The following RORA variants were observed in gnomAD, a reference collection of about 807,000 sequenced individuals.
RORA encodes the protein RAR related orphan receptor A.
A neutral mutation model predicts 69.5 loss-of-function variants in RORA; 7 were observed. The ratio of observed to expected loss-of-function variants is 0.10; its 90% CI spans 0.06 to 0.19. The LOEUF (loss-of-function observed/expected upper bound fraction) is 0.19, where lower values mean the gene tolerates loss of function less well. Ranked by LOEUF, RORA falls within the 10% of genes least tolerant of loss-of-function variation. RORA has a pLI of 1.00. For missense variants in RORA, 457 were observed against 663.0 expected, an observed-to-expected ratio of 0.69 and a Z score of 3.41; for synonymous variants, 261 against 240.8, an observed-to-expected ratio of 1.08 and a Z score of -0.78.
chr15:61,100,642 A>G lies in RORA; in HGVS notation c.166+128411T>C, dbSNP rs1029183943. On this transcript the variant is annotated intron_variant, in intron 1 of 10. Transcript: ENST00000335670. ...AGAGAGCTGGGACCATTCATTTGGCATGGGGCTGCACTCCCCCTAATGGAA... is the reference window on the plus strand; with the variant it reads ...AGAGAGCTGGGACCATTCATTTGGCGTGGGGCTGCACTCCCCCTAATGGAA... Among the ~76,000 whole-genome samples the G allele has an allele frequency of 4.6e-5, 7 of 152,188 alleles. 1 individual carries two copies. Among genetic ancestry groups the G allele is most frequent in the South Asian group, 4.2e-4 (2 of 4,816 alleles).
chr15:61,028,966 G>A (rs1375435423), intron 1 of RORA, among the ~76,000 whole-genome samples: 2 of 152,058 alleles, frequency 1.3e-5, no homozygotes. Context: ...CTGCTAGTGG[G>A]TATGATGGGG....
intron 1 of RORA, among the ~76,000 whole-genome samples, chr15:61,121,825 G>T: frequency 8.6e-6 from 1 of 115,614 alleles, no homozygotes; most frequent in Admixed American, 9.7e-5. Context: ...ACTGCCAAAA[G>T]AAAAAAAAAA....
chr15:60,623,664 CT>C (rs2069481273), intron 2 of RORA, among the ~76,000 whole-genome samples: 1 of 152,088 alleles, frequency 6.6e-6, no homozygotes, highest in East Asian at 1.9e-4. Context: ...GCTGTGGGCT[CT>C]GGTTACCGCT....
At chr15:61,155,006 A>G (rs532331609) in intron 1 of RORA, among the ~76,000 whole-genome samples, 2 of 127,534 alleles carry the variant, frequency 1.6e-5, no homozygotes, top group Admixed American at 1.5e-4. Context: ...AGACAGGACA[A>G]ATACATTGTG....
intron 1 of RORA, among the ~76,000 whole-genome samples, chr15:60,932,051 A>C (rs559252970): frequency 1.3e-5 from 2 of 152,236 alleles, no homozygotes; most frequent in Non-Finnish European, 2.9e-5. Flanking sequence ...TTTTAAATGA[A>C]GATCCTATAC....
rs569719963 is a variant in RORA at position 61,081,590 on chromosome 15, G to A, written c.166+147463C>T. Among the ~76,000 whole-genome samples, 10 of 151,970 alleles carry A rather than the reference G, an allele frequency of 6.6e-5. No individual in the cohort carries two copies. In the South Asian group the frequency reaches 8.3e-4, roughly 13 times the overall value. ...TGGGAGGCCGACGTGGGTGGATCAC[G>A]GGGTCAGGAGATCGAGACCATCCTG... On this transcript the variant is annotated intron_variant, in intron 1 of 10. Coordinates refer to ENST00000335670, the MANE Select transcript of RORA (RefSeq NM_134261.3).
At chr15:61,140,759 A>G (rs1014403890) in intron 1 of RORA, among the ~76,000 whole-genome samples, 1 of 152,198 alleles carries the variant, frequency 6.6e-6, no homozygotes, top group African/African-American at 2.4e-5. Flanking sequence ...CTAGGGTTTA[A>G]CGCTGGTACT....
chr15:61,167,180 G>C (rs908518861), intron 1 of RORA, among the ~76,000 whole-genome samples: 1 of 152,046 alleles, frequency 6.6e-6, no homozygotes, highest in Non-Finnish European at 1.5e-5. Context: ...CTCTTCACTC[G>C]GTACTCAGCA....
intron 1 of RORA, among the ~76,000 whole-genome samples, chr15:61,079,855 T>G (rs529775728): frequency 6.6e-6 from 1 of 152,266 alleles, no homozygotes; most frequent in Admixed American, 6.5e-5. Flanking sequence ...TAGACCTGGT[T>G]TGAAACCTGG....
chr15:60,829,433 AC>A (rs2073010591), intron 1 of RORA, among the ~76,000 whole-genome samples: 1 of 152,162 alleles, frequency 6.6e-6, no homozygotes, highest in African/African-American at 2.4e-5. Flanking sequence ...TTCCACCTCC[AC>A]ATGGGCCCGA....
intron 1 of RORA, among the ~76,000 whole-genome samples, chr15:61,074,368 C>G (rs1407958187): frequency 6.6e-6 from 1 of 152,244 alleles, no homozygotes; most frequent in African/African-American, 2.4e-5. Context: ...TAAAAACATA[C>G]AAGCACCTAC....
chr15:60,759,929 G>A (rs534188991), intron 1 of RORA, among the ~76,000 whole-genome samples: 60 of 152,246 alleles, frequency 3.9e-4, no homozygotes, highest in Non-Finnish European at 8.1e-4. Context: ...AATTTCTTTG[G>A]TACAAAGATT....
intron 1 of RORA, among the ~76,000 whole-genome samples, chr15:60,801,689 C>T (rs1041946012): frequency 3.3e-5 from 5 of 152,206 alleles, no homozygotes; most frequent in Admixed American, 6.5e-5. Flanking sequence ...AGGCACGCCA[C>T]GGTGTGGAAT....
intron 1 of RORA, among the ~76,000 whole-genome samples, chr15:61,108,585 C>G (rs1305441294): frequency 6.6e-6 from 1 of 152,224 alleles, no homozygotes; most frequent in East Asian, 1.9e-4. Flanking sequence ...AAAACATTTA[C>G]TGTATGGCCA....
chr15:60,794,845 G>A (rs1037566608), intron 1 of RORA, among the ~76,000 whole-genome samples: 10 of 152,140 alleles, frequency 6.6e-5, no homozygotes, highest in African/African-American at 2.4e-4. Context: ...CATATCCTAG[G>A]GCTCACTGCT....
intron 1 of RORA, among the ~76,000 whole-genome samples, chr15:61,216,433 A>G (rs951203469): frequency 2.6e-5 from 4 of 152,216 alleles, no homozygotes; most frequent in Non-Finnish European, 5.9e-5. Context: ...GTGGGTCACC[A>G]TAGTGGAGCA....
chr15:60,531,526 T>C lies in RORA; in HGVS notation c.282+240A>G. On this transcript the variant is annotated intron_variant, in intron 3 of 10. Transcript: ENST00000335670. The surrounding 1 kb of genome is among the most constrained non-coding windows in gnomAD (Gnocchi z 4.8). ...ATGAGTTCAACTCTGGGGTTGAAAG[T>C]GATAAACAAGCAATGCTCAAATACC... The C allele has an allele frequency of 2.4e-6, 1 of 422,958 alleles. No individual in the cohort carries two copies. Among genetic ancestry groups the C allele is most frequent in the Non-Finnish European group, 4.1e-6 (1 of 243,030 alleles). 26.2% of individuals were successfully genotyped at this position (422,958 alleles called of 1,614,324 possible).
chr15:60,679,588 T>C (rs1256376864), intron 1 of RORA, among the ~76,000 whole-genome samples: 3 of 148,802 alleles, frequency 2.0e-5, no homozygotes, highest in African/African-American at 7.6e-5. Flanking sequence ...GACTAAGAAC[T>C]GTGGTAAACC....
chr15:60,609,044 A>G (rs1431694071), intron 2 of RORA, among the ~76,000 whole-genome samples: 1 of 152,100 alleles, frequency 6.6e-6, no homozygotes, highest in Non-Finnish European at 1.5e-5. Flanking sequence ...ATGGCCCTGT[A>G]TTTCATTAAT....
Sources: gnomAD v4.1 joint callset for allele counts (sites outside exome capture counted in the v4.1 genomes callset) on GRCh38, gnomAD v4.1.1 for gene constraint, Gnocchi (gnomAD v3.1) non-coding constraint, MANE v1.5 for transcripts, NCBI Gene and HGNC (gene_info 2026-07-23, HGNC 2026-07-21) for gene names.